The following TPCN2 variants were observed in gnomAD, a reference collection of about 807,000 sequenced individuals.
TPCN2 encodes two pore segment channel 2.
TPCN2 carries 92 observed loss-of-function variants against 111.4 expected under a neutral mutation model. That is an observed-to-expected ratio of 0.83 (90% CI 0.70 to 0.98). The LOEUF (loss-of-function observed/expected upper bound fraction) is 0.98. TPCN2 is among the 50% of genes least tolerant of loss of function. The pLI is 0.00. For synonymous variants in TPCN2, 405 were observed against 414.5 expected (o/e 0.98, Z 0.28); for missense variants, 995 against 980.1 (o/e 1.02, Z -0.20).
intron 17 of TPCN2, 146 bp downstream of exon 17, chr11:69,080,029 C>CCA: frequency 1.1e-5 from 8 of 718,188 alleles, no homozygotes; most frequent in African/African-American, 1.8e-5. Context: ...TGGGCCGATC[C>CCA]CACAGCAGAG....
At position 69,084,035 on chromosome 11, in the gene TPCN2, C is replaced by G. The variant is rs779703840; in HGVS notation, c.1761+19C>G. On this transcript the variant is annotated intron_variant, in intron 19 of 24. Transcript: ENST00000294309. Reference sequence around the variant, plus strand: ...CCTGGTGGTGAGTCCCAGGCTGCTGCTGGTGGCGGGTTATGCACTGGAGTG... The same window carrying G: ...CCTGGTGGTGAGTCCCAGGCTGCTGGTGGTGGCGGGTTATGCACTGGAGTG... 6.2e-7 allele frequency: 1 copy of G among 1,613,468 alleles called. No individual in the cohort carries two copies. The highest frequency in any genetic ancestry group is 1.1e-5 in the South Asian group (1 of 91,062).
intron 5 of TPCN2, among the ~76,000 whole-genome samples, chr11:69,059,111 C>T (rs939325239): frequency 6.6e-6 from 1 of 152,252 alleles, no homozygotes; most frequent in South Asian, 2.1e-4. Context: ...GGGTTTTTCA[C>T]CTGGCACAGG....
intron 22 of TPCN2, 33 bp downstream of exon 22, chr11:69,085,963 T>C (rs1391500143): frequency 6.3e-7 from 1 of 1,595,192 alleles, no homozygotes; most frequent in Non-Finnish European, 8.6e-7. Context: ...GCAGTGATTC[T>C]CCGTGCAGCC....
At chr11:69,072,099 A>T in intron 11 of TPCN2, 76 bp downstream of exon 11, 1 of 1,285,590 alleles carries the variant, frequency 7.8e-7, no homozygotes, top group Non-Finnish European at 1.1e-6. Flanking sequence ...GGTGTTCATT[A>T]GGGGCTTCTT....
rs754377919 is a variant in TPCN2 at position 69,085,262 on chromosome 11, T to A, written c.1814T>A (p.Ile605Asn). Residue 605 changes from isoleucine (I) to asparagine (N), a missense_variant, in exon 20 of 25, where the codon ATT becomes AAT. By Grantham distance (149) the Ile-to-Asn change is moderately radical (BLOSUM62 -3). Coordinates refer to ENST00000294309, the MANE Select transcript of TPCN2 (RefSeq NM_139075.4). ...GGGATCAACTTGTTTAGAGGCGTCA[T>A]TGTGGCTCTTCCTGGAAACAGCAGG... is the stretch of plus-strand genomic sequence containing the variant. ...IIGINLFRGV[I>N]VALPGNSSLA... 2.5e-6 allele frequency: 4 copies of A among 1,613,634 alleles called. No individual in the cohort carries two copies. Among genetic ancestry groups the A allele is most frequent in the Non-Finnish European group, 2.5e-6 (3 of 1,179,746 alleles).
intron 20 of TPCN2, 43 bp from the exon 21 acceptor site, chr11:69,085,628 C>A: frequency 1.5e-6 from 2 of 1,340,498 alleles, no homozygotes; most frequent in East Asian, 2.3e-5. Flanking sequence ...GGCCTCAGAA[C>A]CTGGAGCCCC....
intron 5 of TPCN2, 144 bp downstream of exon 5, chr11:69,057,838 C>G: frequency 1.4e-6 from 1 of 702,412 alleles, no homozygotes. Flanking sequence ...CATGGCACTT[C>G]CTTCACTTGT....
intron 4 of TPCN2, among the ~76,000 whole-genome samples, chr11:69,057,336 T>C (rs1453542394): frequency 6.6e-6 from 1 of 152,224 alleles, no homozygotes; most frequent in Non-Finnish European, 1.5e-5. Context: ...AGCCTCCCAT[T>C]ACTGATGAGG....
At chr11:69,063,870 G>T (rs1162365680) in intron 6 of TPCN2, 25 bp from the exon 7 acceptor site, 2 of 1,612,302 alleles carry the variant, frequency 1.2e-6, no homozygotes, top group African/African-American at 2.7e-5. Context: ...GCCTGGCCCA[G>T]GCTGAGTGCC....
intron 4 of TPCN2, 73 bp from the exon 5 acceptor site, chr11:69,057,505 C>G: frequency 7.1e-7 from 1 of 1,399,952 alleles, no homozygotes; most frequent in Non-Finnish European, 1.0e-6. Flanking sequence ...CCCTGCGCTG[C>G]GCACCGTCAT....
In TPCN2 at chr11:69,078,685, C is replaced by T. The variant is rs372849038; in HGVS notation, c.1351-49C>T. ...GGGGAGCCTGCCCCTCCTGCCTCGCCCAGCGCTGTGCTGGGCCAGCCGGCG... is the reference window on the plus strand; with the variant it reads ...GGGGAGCCTGCCCCTCCTGCCTCGCTCAGCGCTGTGCTGGGCCAGCCGGCG... On this transcript the variant is annotated intron_variant, in intron 14 of 24. Transcript: ENST00000294309. The T allele has an allele frequency of 2.5e-6, 4 of 1,613,358 alleles. No individual in the cohort carries two copies. The African/African-American group carries it at 5.3e-5, about 22-fold the overall frequency.
intron 22 of TPCN2, among the ~76,000 whole-genome samples, chr11:69,086,219 G>A (rs111296565): frequency 0.011 from 1,660 of 152,274 alleles, 29 homozygotes; most frequent in African/African-American, 0.038. Flanking sequence ...GGGGAGCCCC[G>A]GGAAGGCTGA....
intron 7 of TPCN2, among the ~76,000 whole-genome samples, chr11:69,065,805 T>C (rs1855249021): frequency 6.6e-6 from 1 of 152,178 alleles, no homozygotes; most frequent in Non-Finnish European, 1.5e-5. Context: ...GATGGTGCTG[T>C]CCCATTTTAC....
At chr11:69,074,808 A>G (rs1233462687) in intron 13 of TPCN2, among the ~76,000 whole-genome samples, 1 of 152,186 alleles carries the variant, frequency 6.6e-6, no homozygotes, top group Admixed American at 6.5e-5. Context: ...GGTTCTGGAA[A>G]GGTGGTTTTT....
chr11:69,072,715 G>A lies in TPCN2; in HGVS notation c.1143+7G>A, dbSNP rs953530618. 16 of 1,613,320 alleles carry A rather than the reference G, an allele frequency of 9.9e-6. No individual in the cohort carries two copies. Among genetic ancestry groups the A allele is most frequent in the Admixed American group, 1.7e-5 (1 of 59,990 alleles). Reference sequence around the variant, plus strand: ...CAAACAGGCCATGATGGAGGTACCCGCCCCCTGCTCCCAGCCTCCTCTGGG... The same window carrying A: ...CAAACAGGCCATGATGGAGGTACCCACCCCCTGCTCCCAGCCTCCTCTGGG... On this transcript the variant is annotated splice_region_variant and intron_variant, in intron 12 of 24. Transcript: ENST00000294309.
chr11:69,061,784 G>T (rs921040376), intron 5 of TPCN2, among the ~76,000 whole-genome samples: 1 of 152,146 alleles, frequency 6.6e-6, no homozygotes, highest in African/African-American at 2.4e-5. Context: ...ACACTGGTGT[G>T]TGATGGTTGG....
intron 13 of TPCN2, among the ~76,000 whole-genome samples, chr11:69,075,385 CT>C (rs1211576566): frequency 6.6e-6 from 1 of 152,170 alleles, no homozygotes; most frequent in East Asian, 1.9e-4. Context: ...CTTCCGTATA[CT>C]TTAAGTCATT....
At chr11:69,054,834 C>T (rs367655656) in intron 3 of TPCN2, 37 bp downstream of exon 3, 103 of 1,601,584 alleles carry the variant, frequency 6.4e-5, no homozygotes, top group African/African-American at 3.6e-4. Context: ...GGGTTCCTGC[C>T]GGCTTGCGTG....
intron 5 of TPCN2, among the ~76,000 whole-genome samples, chr11:69,061,252 G>A (rs888228319): frequency 2.0e-5 from 3 of 152,220 alleles, no homozygotes; most frequent in Non-Finnish European, 2.9e-5. Context: ...TGAGCCGGCC[G>A]GCTGGGCAGA....
Sources: gnomAD v4.1 joint callset for allele counts (sites outside exome capture counted in the v4.1 genomes callset) on GRCh38, gnomAD v4.1.1 for gene constraint, MANE v1.5 for transcripts, NCBI Gene and HGNC (gene_info 2026-07-23, HGNC 2026-07-21) for gene names.